KIF13B: variants seen among roughly 807,000 people sequenced by gnomAD.
KIF13B encodes kinesin-like protein KIF13B.
Under a neutral mutation model 222.0 loss-of-function variants are expected in KIF13B, and 127 were observed. The ratio of observed to expected loss-of-function variants is 0.57; its 90% CI spans 0.50 to 0.66. The LOEUF (loss-of-function observed/expected upper bound fraction) is 0.66, where lower values mean the gene tolerates loss of function less well. KIF13B is among the 30% of genes least tolerant of loss of function. KIF13B has a pLI of 0.00. For synonymous variants in KIF13B, 976 were observed against 919.0 expected, an observed-to-expected ratio of 1.06 and a Z score of -1.12; for missense variants, 2,173 against 2,379.0, an observed-to-expected ratio of 0.91 and a Z score of 1.80.
In KIF13B at chr8:29,263,057, T is replaced by C. The variant is rs1816748166; in HGVS notation, c.-23A>G. On this transcript the variant is annotated 5_prime_UTR_variant, in exon 1 of 40. Transcript: ENST00000524189. ...CATCCTGCAGCCGCCGAGGAACTCG[T>C]TCGGCTTCCGTCTGCCGCGGCCACC... 6 of 1,580,224 alleles carry C rather than the reference T, an allele frequency of 3.8e-6. No homozygotes were observed. The highest frequency in any genetic ancestry group is 1.4e-5 in the African/African-American group (1 of 72,448).
intron 6 of KIF13B, among the ~76,000 whole-genome samples, chr8:29,185,923 C>CCA (rs1476101364): frequency 1.3e-5 from 2 of 152,210 alleles, no homozygotes; most frequent in African/African-American, 4.8e-5. Context: ...CCTAAGACTT[C>CCA]CAATCCAATT....
intron 35 of KIF13B, among the ~76,000 whole-genome samples, chr8:29,104,733 C>T (rs1219933715): frequency 2.0e-5 from 3 of 151,918 alleles, no homozygotes; most frequent in Non-Finnish European, 2.9e-5. Flanking sequence ...ACTCCCTCTA[C>T]TTTTTCTTTT....
intron 13 of KIF13B, among the ~76,000 whole-genome samples, chr8:29,159,464 T>G (rs1811678024): frequency 2.0e-5 from 3 of 152,320 alleles, no homozygotes; most frequent in African/African-American, 7.2e-5. Flanking sequence ...ATATATCATT[T>G]TTTAATAGGC....
intron 2 of KIF13B, among the ~76,000 whole-genome samples, chr8:29,202,230 GGCAGGGAA>G (rs1453534551): frequency 1.3e-5 from 2 of 152,164 alleles, no homozygotes; most frequent in African/African-American, 4.8e-5. Flanking sequence ...ACTCATACCT[GGCAGGGAA>G]GCTAACTTGT....
At chr8:29,186,784 C>G (rs998906997) in intron 5 of KIF13B, among the ~76,000 whole-genome samples, 7 of 151,492 alleles carry the variant, frequency 4.6e-5, no homozygotes, top group Admixed American at 1.3e-4. Context: ...CAAGGTGAAA[C>G]CCCGTCTCTA....
At chr8:29,193,279 A>G (rs909433461) in intron 3 of KIF13B, among the ~76,000 whole-genome samples, 2 of 152,202 alleles carry the variant, frequency 1.3e-5, no homozygotes, top group African/African-American at 2.4e-5. Context: ...GCTAAAACGT[A>G]TATCTATCAG....
chr8:29,099,049 C>T (rs1437701295), intron 36 of KIF13B, 84 bp downstream of exon 36: 1 of 1,053,476 alleles, frequency 9.5e-7, no homozygotes, highest in African/African-American at 1.6e-5. Context: ...AGAACAGTGG[C>T]TGCCTGGCAG....
intron 29 of KIF13B, among the ~76,000 whole-genome samples, chr8:29,121,539 T>C (rs1476134576): frequency 2.2e-5 from 2 of 92,784 alleles, no homozygotes. Flanking sequence ...TCCTTACACC[T>C]TATACAAAAA....
intron 2 of KIF13B, among the ~76,000 whole-genome samples, chr8:29,234,801 T>G (rs1490691772): frequency 1.3e-5 from 2 of 151,084 alleles, no homozygotes; most frequent in Non-Finnish European, 2.9e-5. Context: ...ACACCAAGGT[T>G]GAAAAGGAAA....
Position 29,070,254 on chromosome 8 carries a change from A to G in KIF13B, c.*250T>C. 2 of 561,104 alleles carry G rather than the reference A, an allele frequency of 3.6e-6. No individual in the cohort carries two copies. The highest frequency in any genetic ancestry group is 2.1e-5 in the South Asian group (1 of 47,874). 34.8% of individuals were successfully genotyped at this position (561,104 alleles called of 1,614,324 possible). A position where few individuals can be genotyped will look rare whatever the true frequency, so the allele number is the denominator to read the frequency against. ...CAGGGTCTCAGTCCTAGCATCCCCC[A>G]GCCCCTGCGGGCACCCAGAACCTTC... On this transcript the variant is annotated 3_prime_UTR_variant, in exon 40 of 40. Coordinates refer to ENST00000524189, the MANE Select transcript of KIF13B (RefSeq NM_015254.4). This position sits in a 1 kb window ranked among gnomAD's most constrained non-coding sequence, Gnocchi z 4.1.
chr8:29,229,135 T>C (rs573084469), intron 2 of KIF13B, among the ~76,000 whole-genome samples: 9 of 148,430 alleles, frequency 6.1e-5, no homozygotes, highest in African/African-American at 2.2e-4. Flanking sequence ...ATCTTTCCCT[T>C]ATCAGGACAC....
intron 31 of KIF13B, among the ~76,000 whole-genome samples, chr8:29,115,965 T>C (rs1437496344): frequency 6.6e-6 from 1 of 152,200 alleles, no homozygotes; most frequent in Non-Finnish European, 1.5e-5. Context: ...ACCTGCATTC[T>C]CACCACAAGT....
At position 29,116,991 on chromosome 8, in the gene KIF13B, G is replaced by A. The variant is rs764108568; in HGVS notation, c.3677C>T (p.Ser1226Phe). Reference sequence around the variant, plus strand: ...GCAGCCATGCACCGCGGAGTCCCAGGAGGCTTCTGCTTTCACCTGGAGAGA... The same window carrying A: ...GCAGCCATGCACCGCGGAGTCCCAGAAGGCTTCTGCTTTCACCTGGAGAGA... ...QHDGEVKAEASWDSAVHGCPQ... is the reference protein window; with the variant it reads ...QHDGEVKAEAFWDSAVHGCPQ... The change falls in exon 31 of 40, where the codon TCC becomes TTC. Residue 1226 changes from serine (S) to phenylalanine (F), a missense_variant. Physicochemically the swap from Ser to Phe is radical, Grantham distance 155. Coordinates refer to ENST00000524189, the MANE Select transcript of KIF13B (RefSeq NM_015254.4). The A allele has an allele frequency of 1.7e-5, 27 of 1,586,738 alleles. No individual in the cohort carries two copies. The highest frequency in any genetic ancestry group is 2.3e-5 in the Non-Finnish European group (27 of 1,161,558).
chr8:29,228,986 T>G (rs1311610936), intron 2 of KIF13B, among the ~76,000 whole-genome samples: 1 of 148,958 alleles, frequency 6.7e-6, no homozygotes, highest in African/African-American at 2.5e-5. Context: ...GTCAACATCC[T>G]GATAAACACA....
chr8:29,127,832 T>C (rs1367493038), intron 24 of KIF13B, among the ~76,000 whole-genome samples: 1 of 152,096 alleles, frequency 6.6e-6, no homozygotes, highest in East Asian at 1.9e-4. Context: ...CTTAAGCACC[T>C]TTAAGAACAA....
At chr8:29,110,931 G>T (rs962671804) in intron 32 of KIF13B, among the ~76,000 whole-genome samples, 5 of 152,134 alleles carry the variant, frequency 3.3e-5, no homozygotes, top group Admixed American at 6.5e-5. Context: ...GCCATCAACT[G>T]TAAGACAAAA....
chr8:29,244,302 T>C (rs372789778), intron 2 of KIF13B, among the ~76,000 whole-genome samples: 12 of 152,328 alleles, frequency 7.9e-5, no homozygotes, highest in East Asian at 5.8e-4. Context: ...CGTCAGCCAC[T>C]GCGCCCAGCC....
intron 37 of KIF13B, among the ~76,000 whole-genome samples, chr8:29,085,612 T>G (rs1257479609): frequency 6.6e-6 from 1 of 151,510 alleles, no homozygotes; most frequent in Non-Finnish European, 1.5e-5. Flanking sequence ...GCTCAAGTGA[T>G]CTGCCTGCCT....
chr8:29,140,783 C>G (rs1810783880), intron 19 of KIF13B, 166 bp from the exon 20 acceptor site: 1 of 616,524 alleles, frequency 1.6e-6, no homozygotes, highest in East Asian at 2.8e-5. Flanking sequence ...AAGCACAGCG[C>G]TGTATTACTC....
Sources: allele counts gnomAD v4.1 joint callset (sites outside exome capture counted in the v4.1 genomes callset), GRCh38; gene constraint gnomAD v4.1.1; non-coding constraint Gnocchi (gnomAD v3.1); transcripts MANE v1.5; gene names NCBI Gene and HGNC (gene_info 2026-07-23, HGNC 2026-07-21).